Variants in KCNIP4 observed in about 807,000 individuals in gnomAD.
The protein encoded by KCNIP4 is potassium voltage-gated channel interacting protein 4.
A neutral mutation model predicts 34.0 loss-of-function variants in KCNIP4; 12 were observed. The observed-to-expected ratio is 0.35, with a 90% CI of 0.23 to 0.57. The LOEUF is 0.57. Ranked by LOEUF, KCNIP4 falls within the 20% of genes least tolerant of loss-of-function variation. KCNIP4 has a pLI of 0.83. For synonymous variants in KCNIP4, 124 were observed against 102.2 expected (o/e 1.21, Z -1.29); for missense variants, 238 against 311.7 (o/e 0.76, Z 1.78).
chr4:21,403,437 G>A (rs1226722634), intron 1 of KCNIP4, among the ~76,000 whole-genome samples: 2 of 152,140 alleles, frequency 1.3e-5, no homozygotes, highest in East Asian at 1.9e-4. Flanking sequence ...GCCACCTACA[G>A]TCTAGTCTTT....
intron 1 of KCNIP4, among the ~76,000 whole-genome samples, chr4:21,833,039 T>C (rs1388488816): frequency 3.4e-5 from 5 of 148,970 alleles, no homozygotes; most frequent in Admixed American, 2.0e-4. Flanking sequence ...TCAATAATGC[T>C]GCAATAAACA....
At chr4:20,903,193 G>A (rs1052454094) in intron 1 of KCNIP4, among the ~76,000 whole-genome samples, 1 of 152,132 alleles carries the variant, frequency 6.6e-6, no homozygotes, top group African/African-American at 2.4e-5. Context: ...ACTATCAAAG[G>A]CATACGAGGA....
intron 2 of KCNIP4, among the ~76,000 whole-genome samples, chr4:20,852,004 G>T (rs1379695302): frequency 1.3e-5 from 2 of 151,340 alleles, no homozygotes; most frequent in Non-Finnish European, 3.0e-5. Flanking sequence ...GACAGCATGA[G>T]ACCCTGTCTC....
intron 1 of KCNIP4, among the ~76,000 whole-genome samples, chr4:21,817,476 A>G (rs979180174): frequency 1.3e-5 from 2 of 152,192 alleles, no homozygotes; most frequent in South Asian, 4.1e-4. Flanking sequence ...TTAGGGAACA[A>G]GGGAAGACAA....
intron 1 of KCNIP4, among the ~76,000 whole-genome samples, chr4:21,187,065 G>T (rs1755286282): frequency 6.6e-6 from 1 of 152,044 alleles, no homozygotes; most frequent in South Asian, 2.1e-4. Flanking sequence ...AAGGCAATGT[G>T]GATATTTTCT....
intron 1 of KCNIP4, among the ~76,000 whole-genome samples, chr4:21,057,290 CT>C: frequency 6.6e-6 from 1 of 152,062 alleles, no homozygotes. Flanking sequence ...TCCATGTAAA[CT>C]TTTTTCAATT....
At chr4:21,282,893 C>A (rs1175832775) in intron 1 of KCNIP4, among the ~76,000 whole-genome samples, 1 of 152,108 alleles carries the variant, frequency 6.6e-6, no homozygotes, top group Non-Finnish European at 1.5e-5. Context: ...CTTTGCCACC[C>A]AAATACTTGC....
At chr4:20,815,676 AC>A (rs1428577095) in intron 3 of KCNIP4, among the ~76,000 whole-genome samples, 1 of 152,126 alleles carries the variant, frequency 6.6e-6, no homozygotes, top group African/African-American at 2.4e-5. Flanking sequence ...TTTCATCAAA[AC>A]CAATTATGTA....
At chr4:21,125,898 T>G (rs868684675) in intron 1 of KCNIP4, among the ~76,000 whole-genome samples, 1 of 152,108 alleles carries the variant, frequency 6.6e-6, no homozygotes, top group African/African-American at 2.4e-5. Context: ...TATTTTCTAT[T>G]TTATGTTCTC....
chr4:21,882,645 C>A (rs983835730), intron 1 of KCNIP4, among the ~76,000 whole-genome samples: 1 of 152,168 alleles, frequency 6.6e-6, no homozygotes, highest in South Asian at 2.1e-4. Context: ...AGAGACTGTA[C>A]CAAAAGTAGC....
At chr4:21,655,727 A>G (rs1560597605) in intron 1 of KCNIP4, among the ~76,000 whole-genome samples, 1 of 152,224 alleles carries the variant, frequency 6.6e-6, no homozygotes, top group Non-Finnish European at 1.5e-5. Flanking sequence ...CACATCATGC[A>G]TGCTAAATAA....
intron 1 of KCNIP4, among the ~76,000 whole-genome samples, chr4:21,106,508 C>T (rs139541357): frequency 3.3e-5 from 5 of 151,542 alleles, no homozygotes; most frequent in Admixed American, 6.5e-5. Context: ...ATTAGTCTTG[C>T]TAGCAGTCTA....
chr4:20,734,397 G>C (rs888146166), intron 6 of KCNIP4, among the ~76,000 whole-genome samples: 1 of 152,116 alleles, frequency 6.6e-6, no homozygotes, highest in African/African-American at 2.4e-5. Context: ...TATTTATTAA[G>C]ATGCCAGCAG....
intron 1 of KCNIP4, among the ~76,000 whole-genome samples, chr4:21,200,413 T>TATATATATATACATAC (rs1560803579): frequency 1.8e-5 from 1 of 54,834 alleles, no homozygotes; most frequent in Non-Finnish European, 3.3e-5. Flanking sequence ...TATATGTGTG[T>TATATATATATACATAC]ATATATATAC....
intron 1 of KCNIP4, among the ~76,000 whole-genome samples, chr4:21,254,832 C>G (rs991478916): frequency 1.3e-5 from 2 of 152,188 alleles, no homozygotes; most frequent in Non-Finnish European, 2.9e-5. Flanking sequence ...ACCCTTTACT[C>G]TTTCACACCT....
intron 1 of KCNIP4, among the ~76,000 whole-genome samples, chr4:21,500,262 C>G (rs1428800015): frequency 6.6e-6 from 1 of 152,046 alleles, no homozygotes; most frequent in Non-Finnish European, 1.5e-5. Flanking sequence ...ATCATGGAAA[C>G]CAAGAGACAA....
chr4:20,845,077 A>G (rs1243311489), intron 3 of KCNIP4, among the ~76,000 whole-genome samples: 1 of 152,108 alleles, frequency 6.6e-6, no homozygotes, highest in Admixed American at 6.6e-5. Flanking sequence ...GATACAACCT[A>G]TGTGACCCCC....
intron 3 of KCNIP4, among the ~76,000 whole-genome samples, chr4:20,782,186 T>C (rs921897590): frequency 1.3e-5 from 2 of 152,104 alleles, no homozygotes; most frequent in Non-Finnish European, 2.9e-5. Context: ...CTTTGCAGGG[T>C]ACAGCCTCTC....
At chr4:21,234,417 C>CAA (rs1759167006) in intron 1 of KCNIP4, among the ~76,000 whole-genome samples, 1 of 125,180 alleles carries the variant, frequency 8.0e-6, no homozygotes, top group African/African-American at 3.2e-5. Context: ...ATAACATATA[C>CAA]TATATATATT....
Sources: gnomAD v4.1 joint callset for allele counts (sites outside exome capture counted in the v4.1 genomes callset) on GRCh38, gnomAD v4.1.1 for gene constraint, MANE v1.5 for transcripts, NCBI Gene and HGNC (gene_info 2026-07-23, HGNC 2026-07-21) for gene names.